SEMA5A: variants seen among roughly 807,000 people sequenced by gnomAD.
SEMA5A encodes semaphorin 5A.
SEMA5A carries 55 observed loss-of-function variants against 135.5 expected under a neutral mutation model. The observed-to-expected ratio is 0.41, with a 90% CI of 0.33 to 0.51. SEMA5A has a LOEUF of 0.51. Among genes scored for constraint, SEMA5A ranks in the 20% least tolerant of loss-of-function variants. The pLI is 0.37. For synonymous variants in SEMA5A, 580 were observed against 546.5 expected (o/e 1.06, Z -0.85); for missense variants, 1,290 against 1,419.9 (o/e 0.91, Z 1.47).
At chr5:9,523,954 ATATGC>A (rs762753418) in intron 1 of SEMA5A, among the ~76,000 whole-genome samples, 1 of 152,180 alleles carries the variant, frequency 6.6e-6, no homozygotes, top group East Asian at 1.9e-4. Context: ...ATGAGGTCTA[ATATGC>A]TTTAGGTTCT....
intron 17 of SEMA5A, among the ~76,000 whole-genome samples, chr5:9,063,993 C>T (rs941274162): frequency 3.3e-5 from 5 of 152,200 alleles, no homozygotes; most frequent in Admixed American, 2.0e-4. Context: ...CAAGCTTTAA[C>T]AAATAACTCT....
chr5:9,181,407 G>A (rs1309303395), intron 11 of SEMA5A, among the ~76,000 whole-genome samples: 1 of 152,140 alleles, frequency 6.6e-6, no homozygotes, highest in African/African-American at 2.4e-5. Context: ...GCACTAAACA[G>A]CATGGACTTC....
chr5:9,206,762 A>C lies in SEMA5A; in HGVS notation c.647-4522T>G, dbSNP rs141436877. On this transcript the variant is annotated intron_variant, in intron 8 of 22. Coordinates refer to ENST00000382496, the MANE Select transcript of SEMA5A (RefSeq NM_003966.3). The stretch of plus-strand genomic sequence containing the variant: ...GCAGTCAAAAGTCGCCTTGTGAGAC[A>C]CTTGCCAAAGTCAGGCTGGAAAATG... Among the ~76,000 whole-genome samples, 6 of 151,774 alleles carry C rather than the reference A, an allele frequency of 4.0e-5. No homozygotes were observed. In the East Asian group the frequency reaches 1.2e-3, roughly 30 times the overall value.
chr5:9,495,264 T>C (rs268496), intron 1 of SEMA5A, among the ~76,000 whole-genome samples: 147,926 of 152,246 alleles, frequency 0.97, 72,101 homozygotes, highest in Non-Finnish European at 1. Flanking sequence ...GCAGGCAGGC[T>C]GTGTCCACAA....
chr5:9,263,473 T>G (rs1037893857), intron 5 of SEMA5A, among the ~76,000 whole-genome samples: 1 of 152,158 alleles, frequency 6.6e-6, no homozygotes. Context: ...TGCCTGATAA[T>G]CTGAGGTGGA....
At chr5:9,099,312 G>A (rs1019534995) in intron 16 of SEMA5A, among the ~76,000 whole-genome samples, 1 of 151,944 alleles carries the variant, frequency 6.6e-6, no homozygotes, top group African/African-American at 2.4e-5. Context: ...AACAACATGT[G>A]GCATTTTCAC....
chr5:9,368,820 G>A lies in SEMA5A; in HGVS notation c.124+11003C>T, dbSNP rs542453100. ...TGAACTTTTGGGTTGTTTCCAGTTT[G>A]GAGTTTTTAAGAATAAAGCTTCTAT... On this transcript the variant is annotated intron_variant, in intron 3 of 22. Coordinates refer to ENST00000382496, the MANE Select transcript of SEMA5A (RefSeq NM_003966.3). Among the ~76,000 whole-genome samples, 13 of 152,180 alleles carry A rather than the reference G, an allele frequency of 8.5e-5. No individual in the cohort carries two copies. The South Asian group carries it at 2.7e-3, about 32-fold the overall frequency.
chr5:9,298,953 C>T (rs568548786), intron 5 of SEMA5A, among the ~76,000 whole-genome samples: 2 of 152,194 alleles, frequency 1.3e-5, no homozygotes, highest in Non-Finnish European at 2.9e-5. Flanking sequence ...AGTCTAGATG[C>T]ATACTTCCCT....
At chr5:9,515,913 T>C (rs1224379830) in intron 1 of SEMA5A, among the ~76,000 whole-genome samples, 1 of 152,210 alleles carries the variant, frequency 6.6e-6, no homozygotes, top group Non-Finnish European at 1.5e-5. Context: ...GCCACCCACG[T>C]AGCACCTCAT....
rs530805204 is a variant in SEMA5A, at chr5:9,349,745, CA to C, written c.125-11934del. ...TGAATCCCTGTCCCCACTAAAAATA[CA>C]AAAAAATTAGTCAGGCATGGTGGCA... On this transcript the variant is annotated intron_variant, in intron 3 of 22. Coordinates refer to ENST00000382496, the MANE Select transcript of SEMA5A (RefSeq NM_003966.3). Among the ~76,000 whole-genome samples the C allele has an allele frequency of 2.0e-5, 3 of 151,850 alleles. No homozygotes were observed. In the East Asian group the frequency reaches 5.8e-4, roughly 29 times the overall value.
intron 10 of SEMA5A, 80 bp from the exon 11 acceptor site, chr5:9,190,551 G>A (rs1561003885): frequency 3.0e-6 from 4 of 1,352,814 alleles, no homozygotes; most frequent in Admixed American, 3.6e-5. Context: ...TAGCTGGAAA[G>A]TAACTTGGAA....
At chr5:9,430,489 C>T (rs1757818512) in intron 2 of SEMA5A, among the ~76,000 whole-genome samples, 1 of 152,120 alleles carries the variant, frequency 6.6e-6, no homozygotes, top group Non-Finnish European at 1.5e-5. Context: ...AAGGTCCAGA[C>T]ACTGAACCTT....
intron 15 of SEMA5A, among the ~76,000 whole-genome samples, chr5:9,117,139 A>C (rs539972015): frequency 6.6e-6 from 1 of 152,174 alleles, no homozygotes; most frequent in Non-Finnish European, 1.5e-5. Context: ...CCTCAAACAC[A>C]CTTGTCATCT....
intron 1 of SEMA5A, among the ~76,000 whole-genome samples, chr5:9,442,005 G>GA (rs1758255634): frequency 6.6e-6 from 1 of 152,206 alleles, no homozygotes; most frequent in African/African-American, 2.4e-5. Context: ...CACAAGACAA[G>GA]AAGGGGAGAA....
intron 16 of SEMA5A, among the ~76,000 whole-genome samples, chr5:9,104,382 T>C (rs992058121): frequency 2.0e-5 from 3 of 152,232 alleles, no homozygotes; most frequent in Admixed American, 6.5e-5. Flanking sequence ...AACTCCAGTA[T>C]GTGTAGTTAT....
intron 10 of SEMA5A, among the ~76,000 whole-genome samples, chr5:9,196,928 C>A (rs528244304): frequency 6.6e-6 from 1 of 152,250 alleles, no homozygotes; most frequent in Admixed American, 6.5e-5. Context: ...GGCCTTTTTC[C>A]GCCCAGTCTC....
intron 8 of SEMA5A, among the ~76,000 whole-genome samples, chr5:9,203,641 A>G (rs567323556): frequency 2.6e-5 from 4 of 152,164 alleles, no homozygotes; most frequent in Admixed American, 6.5e-5. Context: ...ATTTAATCCA[A>G]CTTTACATTT....
chr5:9,387,877 A>G (rs1755966037), intron 2 of SEMA5A, among the ~76,000 whole-genome samples: 1 of 151,622 alleles, frequency 6.6e-6, no homozygotes, highest in Admixed American at 6.6e-5. Context: ...TTCCACAAAT[A>G]TATCACATCT....
At chr5:9,432,357 A>C (rs1013141221) in intron 2 of SEMA5A, among the ~76,000 whole-genome samples, 4 of 152,216 alleles carry the variant, frequency 2.6e-5, no homozygotes, top group Non-Finnish European at 5.9e-5. Context: ...TTGTATCAAC[A>C]ATATACATAG....
Sources: gnomAD v4.1 joint callset for allele counts (sites outside exome capture counted in the v4.1 genomes callset) on GRCh38, gnomAD v4.1.1 for gene constraint, MANE v1.5 for transcripts, NCBI Gene and HGNC (gene_info 2026-07-23, HGNC 2026-07-21) for gene names.